IL1RAPL2: variants seen among roughly 807,000 people sequenced by gnomAD.
IL1RAPL2 encodes the protein interleukin 1 receptor accessory protein like 2.
IL1RAPL2 carries 3 observed loss-of-function variants against 44.1 expected under a neutral mutation model. That is an observed-to-expected ratio of 0.07 (90% CI 0.03 to 0.18). IL1RAPL2 has a LOEUF of 0.18. Among genes scored for constraint, IL1RAPL2 ranks in the 10% least tolerant of loss-of-function variants. The pLI is 1.00. For synonymous variants in IL1RAPL2, 181 were observed against 178.8 expected, an observed-to-expected ratio of 1.01 and a Z score of -0.10; for missense variants, 391 against 496.4, an observed-to-expected ratio of 0.79 and a Z score of 2.02.
intron 1 of IL1RAPL2, among the ~76,000 whole-genome samples, chrX:104,654,849 C>T (rs997175119): frequency 9.0e-6 from 1 of 111,070 alleles, no homozygotes; most frequent in African/African-American, 3.3e-5. Context: ...TCTTTTAATT[C>T]GTTGAGCAGT....
At chrX:105,266,997 T>C (rs1489895383) in intron 4 of IL1RAPL2, among the ~76,000 whole-genome samples, 2 of 111,976 alleles carry the variant, frequency 1.8e-5, no homozygotes, top group Non-Finnish European at 3.8e-5. Flanking sequence ...GTGAACCATG[T>C]CCTCTTAGGA....
At chrX:104,947,756 G>A (rs1394728752) in intron 2 of IL1RAPL2, among the ~76,000 whole-genome samples, 3 of 111,730 alleles carry the variant, frequency 2.7e-5, no homozygotes, top group Non-Finnish European at 5.6e-5. Context: ...TCAGGGTTCT[G>A]TTCTGTTCCA....
chrX:105,757,349 C>T (rs771723676), intron 10 of IL1RAPL2, among the ~76,000 whole-genome samples: 4 of 112,052 alleles, frequency 3.6e-5, no homozygotes, highest in Non-Finnish European at 7.5e-5. Context: ...TAAATTTGTA[C>T]TCCTGTGACA....
intron 5 of IL1RAPL2, among the ~76,000 whole-genome samples, chrX:105,342,947 T>C (rs941281211): frequency 8.1e-5 from 9 of 111,172 alleles, no homozygotes; most frequent in African/African-American, 3.0e-4. Flanking sequence ...CTTTCCAAGG[T>C]CTCATATATC....
intron 2 of IL1RAPL2, among the ~76,000 whole-genome samples, chrX:104,909,296 C>T (rs887335111): frequency 9.0e-6 from 1 of 111,663 alleles, no homozygotes; most frequent in African/African-American, 3.3e-5. Flanking sequence ...TGAATGTCCT[C>T]CCGTAGCTCA....
intron 6 of IL1RAPL2, among the ~76,000 whole-genome samples, chrX:105,637,520 C>A (rs1944622559): frequency 9.1e-6 from 1 of 109,812 alleles, no homozygotes; most frequent in Admixed American, 9.7e-5. Flanking sequence ...TGTTGCATTC[C>A]TCTGTCCAGG....
chrX:105,101,979 C>A (rs1346597010), intron 2 of IL1RAPL2, among the ~76,000 whole-genome samples: 1 of 111,702 alleles, frequency 9.0e-6, no homozygotes, highest in Non-Finnish European at 1.9e-5. Context: ...GACCCCCATG[C>A]CTAATTCAGG....
At chrX:104,976,330 C>T (rs1326093916) in intron 2 of IL1RAPL2, among the ~76,000 whole-genome samples, 1 of 111,196 alleles carries the variant, frequency 9.0e-6, no homozygotes, top group Non-Finnish European at 1.9e-5. Flanking sequence ...AACAACTGGG[C>T]CTTTGTTATT....
chrX:105,698,956 G>A (rs982974671), intron 6 of IL1RAPL2, among the ~76,000 whole-genome samples: 4 of 111,144 alleles, frequency 3.6e-5, no homozygotes, highest in African/African-American at 1.3e-4. Flanking sequence ...AAAATATTAC[G>A]AAGTTGTCAT....
intron 3 of IL1RAPL2, among the ~76,000 whole-genome samples, chrX:105,215,706 C>T (rs1267825939): frequency 9.1e-6 from 1 of 110,162 alleles, no homozygotes; most frequent in African/African-American, 3.3e-5. Context: ...ATGTGAAAAT[C>T]CTCAAGAAAA....
At position 104,710,645 on chromosome X, in the gene IL1RAPL2, T is replaced by C. The variant is rs1056583725; in HGVS notation, c.82+51650T>C. On this transcript the variant is annotated intron_variant, in intron 2 of 10. Coordinates refer to ENST00000372582, the MANE Select transcript of IL1RAPL2 (RefSeq NM_017416.2). ...ATGAATTTCACTTCAATACATTTTA[T>C]GTACAGATGTACATATACTCATTTG... 2.7e-5 allele frequency among the ~76,000 whole-genome samples: 3 copies of C among 111,506 alleles called. No individual in the cohort carries two copies. The Admixed American group carries it at 2.9e-4, about 11-fold the overall frequency.
intron 2 of IL1RAPL2, among the ~76,000 whole-genome samples, chrX:105,011,473 G>C (rs1475898792): frequency 9.0e-6 from 1 of 111,111 alleles, no homozygotes; most frequent in East Asian, 2.9e-4. Context: ...CCATAAACCA[G>C]TTAGAGCATT....
intron 3 of IL1RAPL2, among the ~76,000 whole-genome samples, chrX:105,214,003 T>A (rs1426605029): frequency 9.3e-6 from 1 of 107,207 alleles, no homozygotes; most frequent in Non-Finnish European, 1.9e-5. Context: ...GAAAAACCGG[T>A]ACCAGCCACT....
In IL1RAPL2 at chrX:104,971,286, T is replaced by C. The variant is rs1342048258; in HGVS notation, c.83-224189T>C. On this transcript the variant is annotated intron_variant, in intron 2 of 10. Transcript: ENST00000372582. ...TTGCTTGAACCTGGGAGGCAGAGGT[T>C]GCAGTGAGCCGAGATTGCACCACTG... 3.6e-5 allele frequency among the ~76,000 whole-genome samples: 4 copies of C among 111,339 alleles called. No homozygotes were observed. In the East Asian group the frequency reaches 1.1e-3, roughly 32 times the overall value.
At chrX:104,602,233 G>A (rs1050510897) in intron 1 of IL1RAPL2, among the ~76,000 whole-genome samples, 1 of 111,278 alleles carries the variant, frequency 9.0e-6, no homozygotes, top group Non-Finnish European at 1.9e-5. Flanking sequence ...GCAAGAGGTT[G>A]GGGAATTTTC....
At chrX:104,956,874 TA>T (rs1223341848) in intron 2 of IL1RAPL2, among the ~76,000 whole-genome samples, 1 of 111,289 alleles carries the variant, frequency 9.0e-6, no homozygotes, top group Non-Finnish European at 1.9e-5. Context: ...GTTCATATCT[TA>T]AAAAAAATTG....
At chrX:105,747,629 A>G (rs1278052396) in intron 8 of IL1RAPL2, among the ~76,000 whole-genome samples, 6 of 107,545 alleles carry the variant, frequency 5.6e-5, no homozygotes, top group Non-Finnish European at 1.1e-4. Context: ...ATCTTGTTAT[A>G]TTGAGCCTGG....
At chrX:105,470,729 G>C (rs2036160447) in intron 5 of IL1RAPL2, among the ~76,000 whole-genome samples, 1 of 111,892 alleles carries the variant, frequency 8.9e-6, no homozygotes, top group Non-Finnish European at 1.9e-5. Flanking sequence ...AGCTTGTGGA[G>C]AATATGTGGT....
At chrX:104,849,509 C>T (rs1302688725) in intron 2 of IL1RAPL2, among the ~76,000 whole-genome samples, 4 of 107,669 alleles carry the variant, frequency 3.7e-5, no homozygotes, top group South Asian at 4.0e-4. Flanking sequence ...GGGTGTTTAC[C>T]TAAGTAATAG....
Sources: allele counts gnomAD v4.1 joint callset (sites outside exome capture counted in the v4.1 genomes callset), GRCh38; gene constraint gnomAD v4.1.1; transcripts MANE v1.5; gene names NCBI Gene and HGNC (gene_info 2026-07-23, HGNC 2026-07-21).